Variants in AOX1 observed in about 807,000 individuals in gnomAD.
AOX1 encodes aldehyde oxidase 1.
Under a neutral mutation model 169.5 loss-of-function variants are expected in AOX1, and 153 were observed. The observed-to-expected ratio is 0.90, with a 90% CI of 0.79 to 1.03. AOX1 has a LOEUF of 1.03. AOX1 is among the 50% of genes least tolerant of loss of function. AOX1 has a pLI of 0.00. For synonymous variants in AOX1, 562 were observed against 581.9 expected (o/e 0.97, Z 0.49); for missense variants, 1,656 against 1,663.9 (o/e 1.00, Z 0.08).
rs113854292 is a variant in AOX1, at chr2:200,602,030, G to A, written c.437-254G>A. ...TTGGTTTGAAATTATTGTGTTGTTT[G>A]AGCACCTGTCACAAGCAGAAGGCAT... On this transcript the variant is annotated intron_variant, in intron 5 of 34. Transcript: ENST00000374700. 2.8e-4 allele frequency among the ~76,000 whole-genome samples: 42 copies of A among 151,960 alleles called. 1 individual carries two copies. Among genetic ancestry groups the A allele is most frequent in the African/African-American group, 9.4e-4 (39 of 41,446 alleles).
chr2:200,591,146 C>T (rs955569981), intron 1 of AOX1, among the ~76,000 whole-genome samples: 9 of 152,140 alleles, frequency 5.9e-5, no homozygotes, highest in African/African-American at 1.4e-4. Context: ...CATTAATTAA[C>T]ACTTATTACA....
chr2:200,626,031 A>G (rs759583362), intron 19 of AOX1, among the ~76,000 whole-genome samples: 13 of 152,198 alleles, frequency 8.5e-5, no homozygotes, highest in Non-Finnish European at 1.8e-4. Context: ...ATAATCATCA[A>G]CAACAACATG....
intron 20 of AOX1, among the ~76,000 whole-genome samples, chr2:200,634,163 G>GTT (rs2035182082): frequency 9.5e-6 from 1 of 105,190 alleles, no homozygotes; most frequent in African/African-American, 4.0e-5. Flanking sequence ...TTTTCTTGAG[G>GTT]ATTTTTTTTT....
At chr2:200,665,099 G>C (rs2035901109) in intron 31 of AOX1, among the ~76,000 whole-genome samples, 1 of 152,220 alleles carries the variant, frequency 6.6e-6, no homozygotes, top group Non-Finnish European at 1.5e-5. Flanking sequence ...CTCTTTGTAG[G>C]CTGCCTGAGT....
chr2:200,654,886 T>A (rs2035651749), intron 26 of AOX1, among the ~76,000 whole-genome samples: 1 of 152,206 alleles, frequency 6.6e-6, no homozygotes, highest in Non-Finnish European at 1.5e-5. Flanking sequence ...TAAACCAAAT[T>A]TGACATTTTA....
intron 25 of AOX1, among the ~76,000 whole-genome samples, chr2:200,645,646 T>C (rs553594109): frequency 1.3e-5 from 2 of 152,314 alleles, no homozygotes; most frequent in South Asian, 4.1e-4. Flanking sequence ...AAAGGATTGG[T>C]ACCAATTCTT....
intron 5 of AOX1, among the ~76,000 whole-genome samples, chr2:200,600,710 A>G (rs2105694050): frequency 6.6e-6 from 1 of 152,314 alleles, no homozygotes; most frequent in East Asian, 1.9e-4. Flanking sequence ...GACATCGCTC[A>G]TAAACTGTCT....
At chr2:200,670,535 C>A in intron 34 of AOX1, 94 bp from the exon 35 acceptor site, 1 of 1,036,114 alleles carries the variant, frequency 9.7e-7, no homozygotes, top group Non-Finnish European at 1.5e-6. Flanking sequence ...TGGTTGCCCT[C>A]TGCTGGTGTT....
rs1421864137 is a variant in AOX1 at position 200,615,973 on chromosome 2, T to A, written c.1614T>A (p.Asp538Glu). The A allele has an allele frequency of 6.2e-7, 1 of 1,611,598 alleles. No homozygotes were observed. The highest frequency in any genetic ancestry group is 8.5e-7 in the Non-Finnish European group (1 of 1,177,878). ...TCTGCAATGGTTCTACTTTTCAGGA[T>A]CCAGTTCACTATCCTAGCCTTGCAG... ...LEVSQILKKM[D>E]PVHYPSLADK... The change falls in exon 16 of 35, where the codon GAT (aspartate) becomes GAA (glutamate). Residue 538 changes from aspartate (D) to glutamate (E), a missense_variant and splice_region_variant. Physicochemically the swap from Asp to Glu is conservative, Grantham distance 45. Coordinates refer to ENST00000374700, the MANE Select transcript of AOX1 (RefSeq NM_001159.4).
Position 200,666,724 on chromosome 2 carries a change from G to A in AOX1, c.3581G>A (p.Ser1194Asn), listed in dbSNP as rs369814413. 212 of 1,610,696 alleles carry A rather than the reference G, an allele frequency of 1.3e-4. 1 individual carries two copies. The highest frequency in any genetic ancestry group is 4.1e-4 in the Admixed American group (24 of 59,008). ...GACATTGTCATGGATGTTGGCTGCA[G>A]TATAAATCCAGCCATTGACATAGGC... is the stretch of plus-strand genomic sequence containing the variant. ...RTDIVMDVGC[S>N]INPAIDIGQI... Residue 1194 changes from serine (S) to asparagine (N), a missense_variant, in exon 32 of 35, where the codon AGT becomes AAT. Physicochemically the swap from Ser to Asn is conservative, Grantham distance 46 (BLOSUM62 1). Transcript: ENST00000374700.
At chr2:200,662,009 T>G (rs924747613) in intron 30 of AOX1, among the ~76,000 whole-genome samples, 7 of 152,182 alleles carry the variant, frequency 4.6e-5, no homozygotes, top group African/African-American at 1.7e-4. Context: ...ACCCATAAGA[T>G]GGGTACCATT....
At chr2:200,651,502 C>G (rs1045286477) in intron 26 of AOX1, among the ~76,000 whole-genome samples, 28 of 152,092 alleles carry the variant, frequency 1.8e-4, no homozygotes, top group African/African-American at 6.5e-4. Context: ...TCCATTTGCT[C>G]TGGGCTCAGA....
intron 27 of AOX1, among the ~76,000 whole-genome samples, chr2:200,658,741 A>G (rs1220733573): frequency 6.6e-6 from 1 of 152,034 alleles, no homozygotes; most frequent in Non-Finnish European, 1.5e-5. Flanking sequence ...TCTCATAGGA[A>G]GCACTCTTTC....
At chr2:200,600,545 T>C (rs1348287315) in intron 5 of AOX1, among the ~76,000 whole-genome samples, 1 of 152,108 alleles carries the variant, frequency 6.6e-6, no homozygotes, top group African/African-American at 2.4e-5. Flanking sequence ...AAGTTCTGTT[T>C]CTGGTGAACT....
Position 200,638,291 on chromosome 2 carries a change from G to A in AOX1, c.2557G>A (p.Gly853Arg), listed in dbSNP as rs1377988257. The change falls in exon 23 of 35, where the codon GGA becomes AGA. Residue 853 changes from glycine to arginine, a missense_variant. Transcript: ENST00000374700. ...AACTGGAGGCCGCCATCCTTACCTT[G>A]GAAAGTACAAAGTGAGTACAAGAGG... ...LITGGRHPYLGKYKAGFMNDG... is the reference protein window; with the variant it reads ...LITGGRHPYLRKYKAGFMNDG... 3.1e-6 allele frequency: 5 copies of A among 1,613,382 alleles called. No individual in the cohort carries two copies. The highest frequency in any genetic ancestry group is 3.4e-6 in the Non-Finnish European group (4 of 1,179,618).
rs770784669 is a variant in AOX1, at chr2:200,604,024, C to T, written c.596C>T (p.Pro199Leu). The T allele has an allele frequency of 7.5e-6, 12 of 1,609,246 alleles. No individual in the cohort carries two copies. The East Asian group carries it at 2.7e-4, about 36-fold the overall frequency. Reference sequence around the variant, plus strand: ...GATATGTTCTCTTTTTAGACAAGTCCAAAACTCTTCGCAGAAGAGGAGTTT... The same window carrying T: ...GATATGTTCTCTTTTTAGACAAGTCTAAAACTCTTCGCAGAAGAGGAGTTT... ...PEFEEGSKTS[P>L]KLFAEEEFLP... The change falls in exon 8 of 35, where the codon CCA becomes CTA. Residue 199 changes from proline (P) to leucine (L), a missense_variant. Physicochemically the swap from Pro to Leu is moderately conservative, Grantham distance 98. Transcript: ENST00000374700.
chr2:200,615,506 G>A (rs1014801163), intron 15 of AOX1, among the ~76,000 whole-genome samples: 8 of 152,182 alleles, frequency 5.3e-5, no homozygotes, highest in African/African-American at 1.9e-4. Flanking sequence ...CGACAGGGAT[G>A]CAGCCTGTGT....
At chr2:200,591,725 G>A (rs1031850274) in intron 1 of AOX1, among the ~76,000 whole-genome samples, 4 of 152,142 alleles carry the variant, frequency 2.6e-5, no homozygotes, top group African/African-American at 7.2e-5. Flanking sequence ...CAGGAGCCAT[G>A]TTAAATTTAG....
intron 25 of AOX1, among the ~76,000 whole-genome samples, chr2:200,643,398 C>CACATAT (rs142362161): frequency 1.7e-4 from 26 of 148,888 alleles, no homozygotes; most frequent in Admixed American, 5.4e-4. Flanking sequence ...CACACACACA[C>CACATAT]ATATATATAT....
Sources: allele counts gnomAD v4.1 joint callset (sites outside exome capture counted in the v4.1 genomes callset), GRCh38; gene constraint gnomAD v4.1.1; transcripts MANE v1.5; gene names NCBI Gene and HGNC (gene_info 2026-07-23, HGNC 2026-07-21).